DLGAP1: variants seen among roughly 807,000 people sequenced by gnomAD.
DLGAP1 encodes DLG associated protein 1.
A neutral mutation model predicts 90.8 loss-of-function variants in DLGAP1; 11 were observed. The observed-to-expected ratio is 0.12, with a 90% CI of 0.08 to 0.20. DLGAP1 has a LOEUF of 0.20. Ranked by LOEUF, DLGAP1 falls within the 10% of genes least tolerant of loss-of-function variation. The pLI, the probability that DLGAP1 is intolerant of heterozygous loss-of-function variation, is 1.00. For synonymous variants in DLGAP1, 558 were observed against 540.7 expected (o/e 1.03, Z -0.44); for missense variants, 1,050 against 1,333.8 (o/e 0.79, Z 3.31).
intron 2 of DLGAP1, among the ~76,000 whole-genome samples, chr18:4,046,506 G>T (rs2075056210): frequency 6.6e-6 from 1 of 152,178 alleles, no homozygotes; most frequent in Non-Finnish European, 1.5e-5. Flanking sequence ...TATGCCCAGG[G>T]GCGCACAATC....
At chr18:4,404,611 C>A (rs549334927) in intron 1 of DLGAP1, among the ~76,000 whole-genome samples, 6 of 152,284 alleles carry the variant, frequency 3.9e-5, no homozygotes, top group African/African-American at 1.4e-4. Flanking sequence ...TAAAATAAAT[C>A]TAATGAATTT....
chr18:3,632,351 G>A (rs1376104239), intron 7 of DLGAP1, among the ~76,000 whole-genome samples: 1 of 151,076 alleles, frequency 6.6e-6, no homozygotes, highest in Non-Finnish European at 1.5e-5. Context: ...GCCCAGGCTG[G>A]AGTGCAGTGG....
intron 1 of DLGAP1, among the ~76,000 whole-genome samples, chr18:4,226,198 A>G (rs2078183677): frequency 6.6e-6 from 1 of 152,162 alleles, no homozygotes; most frequent in African/African-American, 2.4e-5. Flanking sequence ...ATATCCAGCA[A>G]AAATATTCTT....
In DLGAP1 at chr18:3,852,642, A is replaced by G. The variant is rs2069408146; in HGVS notation, c.957+26470T>C. On this transcript the variant is annotated intron_variant, in intron 4 of 12. Coordinates refer to ENST00000315677, the MANE Select transcript of DLGAP1 (RefSeq NM_004746.4). ...AAGTTCCTGTTGGCTACATATATAT[A>G]CCCTTTAAGAATTTTTTTCTATTCC... 2.0e-5 allele frequency among the ~76,000 whole-genome samples: 3 copies of G among 151,994 alleles called. No individual in the cohort carries two copies. In the South Asian group the frequency reaches 6.2e-4, roughly 32 times the overall value.
At chr18:4,124,663 C>G (rs923409404) in intron 2 of DLGAP1, among the ~76,000 whole-genome samples, 1 of 152,196 alleles carries the variant, frequency 6.6e-6, no homozygotes, top group Non-Finnish European at 1.5e-5. Flanking sequence ...ATGATTCATT[C>G]AATACTTTGT....
intron 1 of DLGAP1, among the ~76,000 whole-genome samples, chr18:4,284,029 C>T (rs369437176): frequency 2.0e-5 from 3 of 151,880 alleles, no homozygotes; most frequent in Admixed American, 6.6e-5. Context: ...TGTGCCTGCC[C>T]GGCATGGTGT....
At chr18:3,622,525 G>A (rs2058134208) in intron 7 of DLGAP1, among the ~76,000 whole-genome samples, 1 of 152,190 alleles carries the variant, frequency 6.6e-6, no homozygotes, top group Non-Finnish European at 1.5e-5. Context: ...TCCAGAATTC[G>A]GCTTCCAAGT....
At chr18:4,241,098 TAA>T (rs1245907519) in intron 1 of DLGAP1, among the ~76,000 whole-genome samples, 1 of 152,212 alleles carries the variant, frequency 6.6e-6, no homozygotes, top group African/African-American at 2.4e-5. Context: ...GCCAAAACAA[TAA>T]GTTACCCAGG....
intron 3 of DLGAP1, among the ~76,000 whole-genome samples, chr18:3,999,747 C>G (rs537494484): frequency 5.3e-5 from 8 of 152,236 alleles, no homozygotes; most frequent in Admixed American, 2.0e-4. Context: ...ACTACAGAGT[C>G]TGAGAAGCAC....
At chr18:4,035,211 T>C (rs911764905) in intron 2 of DLGAP1, among the ~76,000 whole-genome samples, 1 of 152,078 alleles carries the variant, frequency 6.6e-6, no homozygotes, top group Non-Finnish European at 1.5e-5. Context: ...GATGGCTGGG[T>C]CAAATGGTAT....
At chr18:4,020,562 CA>C (rs2074592509) in intron 2 of DLGAP1, among the ~76,000 whole-genome samples, 1 of 152,054 alleles carries the variant, frequency 6.6e-6, no homozygotes, top group Admixed American at 6.6e-5. Flanking sequence ...ACTGCCTTAG[CA>C]AAAATTATAA....
chr18:3,824,572 C>A (rs78327093), intron 4 of DLGAP1, among the ~76,000 whole-genome samples: 7 of 152,018 alleles, frequency 4.6e-5, no homozygotes, highest in African/African-American at 1.7e-4. Flanking sequence ...AAAAAGGTTT[C>A]GGCAAATATT....
intron 9 of DLGAP1, among the ~76,000 whole-genome samples, chr18:3,547,024 G>A (rs940668550): frequency 2.0e-5 from 3 of 151,866 alleles, no homozygotes; most frequent in African/African-American, 4.8e-5. Flanking sequence ...AATGAGAGCC[G>A]GGCGCGGTGG....
chr18:4,297,447 G>T (rs946092765), intron 1 of DLGAP1, among the ~76,000 whole-genome samples: 1 of 152,170 alleles, frequency 6.6e-6, no homozygotes. Context: ...CAATGGTAAA[G>T]ATACTTAATT....
intron 2 of DLGAP1, among the ~76,000 whole-genome samples, chr18:4,123,640 C>T (rs546950238): frequency 3.9e-5 from 6 of 152,168 alleles, no homozygotes; most frequent in Non-Finnish European, 7.3e-5. Context: ...AGCTGCTGAA[C>T]GAACAGAGCA....
chr18:3,772,266 C>T (rs1598678789), intron 5 of DLGAP1, among the ~76,000 whole-genome samples: 1 of 148,440 alleles, frequency 6.7e-6, no homozygotes, highest in African/African-American at 2.5e-5. Flanking sequence ...TTCTTTCTCT[C>T]TTTCCTTCCT....
At chr18:4,257,619 TCTTTTC>T (rs1487914196) in intron 1 of DLGAP1, among the ~76,000 whole-genome samples, 3 of 151,982 alleles carry the variant, frequency 2.0e-5, no homozygotes, top group African/African-American at 4.8e-5. Context: ...TTTTTCTTTT[TCTTTTC>T]CTTTCTTTTT....
intron 7 of DLGAP1, among the ~76,000 whole-genome samples, chr18:3,726,436 G>A (rs1259721151): frequency 2.7e-5 from 4 of 146,478 alleles, no homozygotes; most frequent in South Asian, 2.2e-4. Context: ...AAGGAAATGC[G>A]TGTGTGGGGT....
chr18:3,564,470 TA>T (rs1412557614), intron 9 of DLGAP1, among the ~76,000 whole-genome samples: 2 of 152,146 alleles, frequency 1.3e-5, no homozygotes, highest in Non-Finnish European at 2.9e-5. Flanking sequence ...AAGGTTCTGG[TA>T]AAATAGTTTC....
Sources: allele counts gnomAD v4.1 joint callset (sites outside exome capture counted in the v4.1 genomes callset), GRCh38; gene constraint gnomAD v4.1.1; transcripts MANE v1.5; gene names NCBI Gene and HGNC (gene_info 2026-07-23, HGNC 2026-07-21).